The following RUBCN variants were observed in gnomAD, a reference collection of about 807,000 sequenced individuals.
The protein encoded by RUBCN is rubicon autophagy regulator.
A neutral mutation model predicts 113.2 loss-of-function variants in RUBCN; 74 were observed. That is an observed-to-expected ratio of 0.65 (90% CI 0.54 to 0.79). RUBCN has a LOEUF of 0.79. Among genes scored for constraint, RUBCN ranks in the 30% least tolerant of loss-of-function variants. The probability of loss-of-function intolerance (pLI) is 0.00; values close to 1 mark genes in which losing one functional copy is unlikely to be tolerated. For missense variants in RUBCN, 1,109 were observed against 1,251.7 expected (o/e 0.89, Z 1.72); for synonymous variants, 480 against 490.0 (o/e 0.98, Z 0.27).
intron 18 of RUBCN, chr3:197,676,670 C>T (rs1720469683): frequency 7.0e-7 from 1 of 1,421,096 alleles, no homozygotes; most frequent in East Asian, 2.6e-5. Flanking sequence ...GGACCACAGC[C>T]AGCACCAGCT....
chr3:197,687,924 T>C (rs923957026), intron 11 of RUBCN, among the ~76,000 whole-genome samples: 6 of 152,180 alleles, frequency 3.9e-5, no homozygotes, highest in Non-Finnish European at 8.8e-5. Context: ...GACGTCTGGA[T>C]CTCAGCCTTG....
intron 11 of RUBCN, among the ~76,000 whole-genome samples, chr3:197,690,412 T>A (rs1000447494): frequency 6.6e-6 from 1 of 152,242 alleles, no homozygotes; most frequent in Non-Finnish European, 1.5e-5. Flanking sequence ...CACTCCAGCA[T>A]GGGCAACAAG....
At chr3:197,686,066 G>GA (rs58150164) in intron 11 of RUBCN, among the ~76,000 whole-genome samples, 1,624 of 144,876 alleles carry the variant, frequency 0.011, 18 homozygotes, top group African/African-American at 0.038. Context: ...TAACACAAAA[G>GA]AAAAAAAAAA....
In RUBCN at chr3:197,675,495, G is replaced by A; in HGVS notation, c.2667C>T (p.Phe889=). ...ERCMLCQAKG[F]ICEFCQNEDD... The stretch of plus-strand genomic sequence containing the variant: ...CCTCATTCTGACAGAACTCACAGAT[G>A]AAGCCTTTGGCTTGGCAGAGCTGGG... Residue 889 remains phenylalanine, a synonymous_variant, in exon 19 of 20, where the codon TTC becomes TTT. Coordinates refer to ENST00000296343, the MANE Select transcript of RUBCN (RefSeq NM_014687.4). The surrounding 1 kb of genome is among the most constrained non-coding windows in gnomAD (Gnocchi z 4.4). The A allele has an allele frequency of 6.2e-7, 1 of 1,614,048 alleles. No homozygotes were observed. Among genetic ancestry groups the A allele is most frequent in the Non-Finnish European group, 8.5e-7 (1 of 1,179,950 alleles).
At position 197,675,146 on chromosome 3, in the gene RUBCN, G is replaced by A. The variant is rs1226302262; in HGVS notation, c.2791C>T (p.Arg931Cys). Reference sequence around the variant, plus strand: ...CGCCGGGCCTGCAGCCGCTCGCAGCGCGGACAGCTTCCAGACTTGAAGCAG... The same window carrying A: ...CGCCGGGCCTGCAGCCGCTCGCAGCACGGACAGCTTCCAGACTTGAAGCAG... The part of the protein sequence containing the change: ...KACFKSGSCP[R>C]CERLQARREA... Residue 931 changes from arginine to cysteine, a missense_variant, in exon 20 of 20, where the codon CGC becomes TGC. Physicochemically the swap from Arg to Cys is radical, Grantham distance 180. Coordinates refer to ENST00000296343, the MANE Select transcript of RUBCN (RefSeq NM_014687.4). The surrounding 1 kb of genome is among the most constrained non-coding windows in gnomAD (Gnocchi z 4.4). 1.9e-6 allele frequency: 3 copies of A among 1,613,936 alleles called. No individual in the cohort carries two copies. Among genetic ancestry groups the A allele is most frequent in the African/African-American group, 1.3e-5 (1 of 74,952 alleles).
At chr3:197,719,828 T>C (rs1287787331) in intron 1 of RUBCN, among the ~76,000 whole-genome samples, 1 of 152,240 alleles carries the variant, frequency 6.6e-6, no homozygotes, top group African/African-American at 2.4e-5. Context: ...GATTGATACA[T>C]AATTGTACAT....
chr3:197,691,460 G>C (rs1722415519), intron 11 of RUBCN, among the ~76,000 whole-genome samples: 1 of 152,062 alleles, frequency 6.6e-6, no homozygotes, highest in Non-Finnish European at 1.5e-5. Flanking sequence ...CTAGTAGGTA[G>C]AGGCTAGGAA....
chr3:197,687,878 CTG>C (rs1183991125), intron 11 of RUBCN, among the ~76,000 whole-genome samples: 3 of 152,206 alleles, frequency 2.0e-5, no homozygotes, highest in Non-Finnish European at 4.4e-5. Flanking sequence ...CAGGGCAGCT[CTG>C]TGTTTCAGGG....
rs969895001 is a variant in RUBCN, at chr3:197,683,175, T to C, written c.1980+132A>G. On this transcript the variant is annotated intron_variant, in intron 13 of 19. Transcript: ENST00000296343. The surrounding 1 kb of genome is among the most constrained non-coding windows in gnomAD (Gnocchi z 4.6). ...CTCGTTCATTTATCACTTGACACAT[T>C]GTAATGAATGGCTTCCACGAGTAAG... 2.7e-6 allele frequency: 3 copies of C among 1,126,994 alleles called. No individual in the cohort carries two copies. Among genetic ancestry groups the C allele is most frequent in the Non-Finnish European group, 2.7e-6 (2 of 738,944 alleles). 69.8% of individuals were successfully genotyped at this position (1,126,994 alleles called of 1,614,324 possible).
upstream of RUBCN, among the ~76,000 whole-genome samples, chr3:197,740,025 G>T (rs1177873320): frequency 6.6e-6 from 1 of 152,170 alleles, no homozygotes; most frequent in Non-Finnish European, 1.5e-5. Context: ...GGGTGACAGA[G>T]TGAGACTGTC....
chr3:197,707,025 G>C (rs1356731387), intron 2 of RUBCN, among the ~76,000 whole-genome samples: 1 of 142,864 alleles, frequency 7.0e-6, no homozygotes, highest in South Asian at 2.1e-4. Flanking sequence ...ATGTCTCTTG[G>C]TTACATCATT....
upstream of RUBCN, chr3:197,749,756 T>A: frequency 1.7e-6 from 1 of 578,350 alleles, no homozygotes; most frequent in African/African-American, 1.9e-5. Flanking sequence ...CGTCCGATCC[T>A]GCGAGGGCCG....
upstream of RUBCN, among the ~76,000 whole-genome samples, chr3:197,740,091 A>G (rs1326507563): frequency 6.6e-6 from 1 of 152,160 alleles, no homozygotes; most frequent in Non-Finnish European, 1.5e-5. Flanking sequence ...AGGCTGGAAA[A>G]CAGGCTTTTT....
At chr3:197,708,299 C>T (rs1384165516) in intron 2 of RUBCN, among the ~76,000 whole-genome samples, 2 of 151,938 alleles carry the variant, frequency 1.3e-5, no homozygotes, top group African/African-American at 4.8e-5. Context: ...CCACGCCTGG[C>T]TAATTTTTGT....
intron 11 of RUBCN, 69 bp downstream of exon 11, chr3:197,693,646 C>A: frequency 9.5e-7 from 1 of 1,058,036 alleles, no homozygotes; most frequent in Non-Finnish European, 1.5e-6. Flanking sequence ...GGAAACACTT[C>A]GCAGCTTATC....
Position 197,674,862 on chromosome 3 carries a change from A to C in RUBCN, c.*156T>G. 3.2e-6 allele frequency: 2 copies of C among 629,856 alleles called. No individual in the cohort carries two copies. Among genetic ancestry groups the C allele is most frequent in the Middle Eastern group, 4.4e-4 (1 of 2,274 alleles). 39.0% of individuals were successfully genotyped at this position (629,856 alleles called of 1,614,324 possible). A position where few individuals can be genotyped will look rare whatever the true frequency, so the allele number is the denominator to read the frequency against. On this transcript the variant is annotated 3_prime_UTR_variant, in exon 20 of 20. Coordinates refer to ENST00000296343, the MANE Select transcript of RUBCN (RefSeq NM_014687.4). ...AACCTGCCGACGGCTGACTGCACAC[A>C]GACGTCAGACAAGTCAGTAAAAAAA...
At chr3:197,696,901 A>G in intron 8 of RUBCN, 53 bp downstream of exon 8, 1 of 961,720 alleles carries the variant, frequency 1.0e-6, no homozygotes. Context: ...AGCAGGCACA[A>G]GGGGTGAGCA....
chr3:197,697,071 G>T, intron 7 of RUBCN, 22 bp from the exon 8 acceptor site: 5 of 1,222,266 alleles, frequency 4.1e-6, no homozygotes, highest in South Asian at 1.2e-5. Context: ...GACCACCAGC[G>T]AGTAAAAACA....
At chr3:197,721,429 T>C (rs1726151888) in intron 1 of RUBCN, among the ~76,000 whole-genome samples, 1 of 152,242 alleles carries the variant, frequency 6.6e-6, no homozygotes, top group South Asian at 2.1e-4. Context: ...TGATTCTTCA[T>C]AGTTCTGTGC....
Sources: allele counts gnomAD v4.1 joint callset (sites outside exome capture counted in the v4.1 genomes callset), GRCh38; gene constraint gnomAD v4.1.1; non-coding constraint Gnocchi (gnomAD v3.1); transcripts MANE v1.5; gene names NCBI Gene and HGNC (gene_info 2026-07-23, HGNC 2026-07-21).